The following APOH variants were observed in gnomAD, a reference collection of about 807,000 sequenced individuals.
APOH encodes the protein beta-2-glycoprotein 1.
Under a neutral mutation model 39.8 loss-of-function variants are expected in APOH, and 48 were observed. The observed-to-expected ratio is 1.21, with a 90% CI of 0.96 to 1.54. APOH has a LOEUF of 1.54. Among genes scored for constraint, APOH ranks in the 40% most tolerant of loss-of-function variants. The probability of loss-of-function intolerance (pLI) is 0.00; values close to 1 mark genes in which losing one functional copy is unlikely to be tolerated. For synonymous variants in APOH, 153 were observed against 151.1 expected (o/e 1.01, Z -0.09); for missense variants, 415 against 421.2 (o/e 0.99, Z 0.13).
intron 5 of APOH, 44 bp downstream of exon 5, chr17:66,220,510 G>C (rs368669543): frequency 1.3e-6 from 2 of 1,573,432 alleles, no homozygotes; most frequent in Admixed American, 3.4e-5. Flanking sequence ...TCACAAATGG[G>C]ATCTTGCCCT....
At position 66,224,491 on chromosome 17, in the gene APOH, AG is replaced by A. The variant is rs1485722858; in HGVS notation, c.339-718del. ...CCTGTAAAAAAAAAAAAAAAAAAAA[AG>A]AAAAGAAAAGAAGGAAAGGAAGGAA... On this transcript the variant is annotated intron_variant, in intron 3 of 7. Coordinates refer to ENST00000205948, the MANE Select transcript of APOH (RefSeq NM_000042.3). Among the ~76,000 whole-genome samples, 53 of 87,608 alleles carry A rather than the reference AG, an allele frequency of 6.0e-4. 1 individual carries two copies. The highest frequency in any genetic ancestry group is 1.3e-3 in the African/African-American group (39 of 28,978). The allele number at this position is 87,608 out of a possible 152,430, so 57.5% of individuals were successfully genotyped here. A position where few individuals can be genotyped will look rare whatever the true frequency, so the allele number is the denominator to read the frequency against.
At chr17:66,229,266 C>G in intron 1 of APOH, 50 bp downstream of exon 1, 1 of 1,453,092 alleles carries the variant, frequency 6.9e-7, no homozygotes, top group Non-Finnish European at 9.6e-7. Flanking sequence ...CTGACATATA[C>G]GAAGGGGTTG....
At chr17:66,216,205 C>A (rs1344281842) in intron 6 of APOH, among the ~76,000 whole-genome samples, 2 of 146,788 alleles carry the variant, frequency 1.4e-5, no homozygotes, top group African/African-American at 5.0e-5. Flanking sequence ...TACAATAATA[C>A]TAAAAAATGA....
chr17:66,224,495 A>AAAAAAAAT (rs2073423039), intron 3 of APOH, among the ~76,000 whole-genome samples: 1 of 143,480 alleles, frequency 7.0e-6, no homozygotes, highest in Non-Finnish European at 1.5e-5. Context: ...AAAAAAAGAA[A>AAAAAAAAT]AGAAAAGAAG....
chr17:66,225,388 C>A (rs2073433397), intron 3 of APOH, among the ~76,000 whole-genome samples: 1 of 152,176 alleles, frequency 6.6e-6, no homozygotes, highest in African/African-American at 2.4e-5. Flanking sequence ...GCATTGCATT[C>A]TCCACTGTCA....
rs758021466 is a variant in APOH at position 66,220,610 on chromosome 17, T to C, written c.548A>G (p.Asn183Ser). Reference sequence around the variant, plus strand: ...ATGTGTCGTGCAGGTAATTGTATCATTTCCAAACATCGCATGTTGTGGCAA... The same window carrying C: ...ATGTGTCGTGCAGGTAATTGTATCACTTCCAAACATCGCATGTTGTGGCAA... ...ECLPQHAMFGNDTITCTTHGN... is the reference protein window; with the variant it reads ...ECLPQHAMFGSDTITCTTHGN... The change falls in exon 5 of 8, where the codon AAT becomes AGT. Residue 183 changes from asparagine (N) to serine (S), a missense_variant. By Grantham distance (46) the Asn-to-Ser change is conservative. Coordinates refer to ENST00000205948, the MANE Select transcript of APOH (RefSeq NM_000042.3). 1.2e-5 allele frequency: 19 copies of C among 1,614,074 alleles called. No individual in the cohort carries two copies. In the East Asian group the frequency reaches 4.2e-4, roughly 36 times the overall value.
Position 66,220,592 on chromosome 17 carries a change from G to A in APOH, c.566C>T (p.Thr189Met), listed in dbSNP as rs376671771. Residue 189 changes from threonine (T) to methionine (M), a missense_variant, in exon 5 of 8, where the codon ACG becomes ATG. Thr to Met is a moderately conservative substitution (Grantham distance 81). Transcript: ENST00000205948. The stretch of plus-strand genomic sequence containing the variant: ...TAATTTAGTCCAATTTCCATGTGTC[G>A]TGCAGGTAATTGTATCATTTCCAAA... ...AMFGNDTITC[T>M]THGNWTKLPE... The A allele has an allele frequency of 1.2e-5, 19 of 1,614,016 alleles. No individual in the cohort carries two copies. The highest frequency in any genetic ancestry group is 5.0e-5 in the Admixed American group (3 of 60,002).
rs892011939 is a variant in APOH at position 66,214,579 on chromosome 17, A to G, written c.856T>C (p.Phe286Leu). ...QGERVKIQEK[F>L]KNGMLHGDKV... ...TCACCATGTAGCATTCCATTCTTAA[A>G]TTTTTCCTGAATCTTTACTCTCTCT... The change falls in exon 7 of 8, where the codon TTT becomes CTT. Residue 286 changes from phenylalanine to leucine, a missense_variant. Around this residue, in one of 3 missense-constraint regions of APOH, gnomAD observed 120 missense variants for 110.6 expected, o/e 1.08. Coordinates refer to ENST00000205948, the MANE Select transcript of APOH (RefSeq NM_000042.3). The G allele has an allele frequency of 4.3e-6, 7 of 1,613,784 alleles. No individual in the cohort carries two copies. Among genetic ancestry groups the G allele is most frequent in the South Asian group, 2.2e-5 (2 of 91,076 alleles).
chr17:66,214,794 T>C lies in APOH; in HGVS notation c.785-144A>G, dbSNP rs1026555335. On this transcript the variant is annotated intron_variant, in intron 6 of 7. Transcript: ENST00000205948. ...ATCCAAGAATATATATAGTAAGTAATGGTAATATGATTGCTAATTGCAGTT... is the reference window on the plus strand; with the variant it reads ...ATCCAAGAATATATATAGTAAGTAACGGTAATATGATTGCTAATTGCAGTT... The C allele has an allele frequency of 9.7e-5, 65 of 670,476 alleles. No homozygotes were observed. The South Asian group carries it at 1.1e-3, about 11-fold the overall frequency. The allele number at this position is 670,476 out of a possible 1,614,324, so 41.5% of individuals were successfully genotyped here.
At position 66,222,567 on chromosome 17, in the gene APOH, C is replaced by CTTTTTTT. The variant is rs1178795590; in HGVS notation, c.415+1124_415+1130dup. On this transcript the variant is annotated intron_variant, in intron 4 of 7. Coordinates refer to ENST00000205948, the MANE Select transcript of APOH (RefSeq NM_000042.3). ...TTGAAATTGCTTTACTTTCCACTTG[C>CTTTTTTT]TTTTTTTTTTTTTTTTTTTTTGAGA... is the stretch of plus-strand genomic sequence containing the variant. Among the ~76,000 whole-genome samples, 68 of 84,874 alleles carry CTTTTTTT rather than the reference C, an allele frequency of 8.0e-4. 3 individuals carry two copies. Among genetic ancestry groups the CTTTTTTT allele is most frequent in the African/African-American group, 1.0e-3 (20 of 20,054 alleles). The allele number at this position is 84,874 out of a possible 152,430, so 55.7% of individuals were successfully genotyped here. A position where few individuals can be genotyped will look rare whatever the true frequency, so the allele number is the denominator to read the frequency against.
intron 3 of APOH, 64 bp from the exon 4 acceptor site, chr17:66,223,838 T>G: frequency 3.6e-5 from 50 of 1,374,764 alleles, no homozygotes; most frequent in Middle Eastern, 1.8e-4. Context: ...CTCAAATATC[T>G]TCTCCATTGA....
rs775916134 is a variant in APOH at position 66,214,485 on chromosome 17, T to C, written c.950A>G (p.Asp317Gly). 3.0e-5 allele frequency: 48 copies of C among 1,614,174 alleles called. No individual in the cohort carries two copies. The highest frequency in any genetic ancestry group is 3.9e-5 in the Non-Finnish European group (46 of 1,180,008). The change falls in exon 7 of 8, where the codon GAT becomes GGT. Residue 317 changes from aspartate (D) to glycine (G), a missense_variant. Asp to Gly is a moderately conservative substitution (Grantham distance 94, BLOSUM62 -1). Transcript: ENST00000205948. The stretch of plus-strand genomic sequence containing the variant: ...GCATTTGGGGACTTCGATAGTGCCA[T>C]CTATACACTGAGCATCCTCTGTATA... Reference protein sequence around the residue: ...CSYTEDAQCIDGTIEVPKCFK... With the variant: ...CSYTEDAQCIGGTIEVPKCFK...
intron 6 of APOH, among the ~76,000 whole-genome samples, 192 bp from the exon 7 acceptor site, chr17:66,214,842 C>T (rs1252017262): frequency 6.6e-6 from 1 of 150,728 alleles, no homozygotes; most frequent in African/African-American, 2.4e-5. Context: ...AACCATTATT[C>T]ATAGCTTCCA....
intron 4 of APOH, 117 bp downstream of exon 4, chr17:66,223,581 A>G: frequency 1.2e-6 from 1 of 862,034 alleles, no homozygotes; most frequent in Non-Finnish European, 1.9e-6. Flanking sequence ...ATCCCCCACA[A>G]GGGTGACCAT....
intron 4 of APOH, among the ~76,000 whole-genome samples, 172 bp from the exon 5 acceptor site, chr17:66,220,914 C>T (rs959919667): frequency 3.2e-4 from 48 of 151,966 alleles, no homozygotes; most frequent in African/African-American, 1.1e-3. Flanking sequence ...TATGACCTGC[C>T]GGGCACGGTG....
Position 66,228,088 on chromosome 17 carries a change from C to G in APOH, c.173G>C (p.Arg58Pro), listed in dbSNP as rs768884547. The change falls in exon 2 of 8, where the codon CGA (arginine) becomes CCA (proline). Residue 58 changes from arginine to proline, a missense_variant. Arg to Pro is a moderately radical substitution (Grantham distance 103, BLOSUM62 -2). Around this residue, in one of 3 missense-constraint regions of APOH, gnomAD observed 288 missense variants for 284.9 expected, o/e 1.01. Coordinates refer to ENST00000205948, the MANE Select transcript of APOH (RefSeq NM_000042.3). ...TYSCKPGYVS[R>P]GGMRKFICPL... ...GCAGATAAACTTTCTCATCCCTCCTCGGGACACATAGCCCGGCTTGCAGGA... is the reference window on the plus strand; with the variant it reads ...GCAGATAAACTTTCTCATCCCTCCTGGGGACACATAGCCCGGCTTGCAGGA... 1 of 1,614,208 alleles carries G rather than the reference C, an allele frequency of 6.2e-7. No individual in the cohort carries two copies. The highest frequency in any genetic ancestry group is 8.5e-7 in the Non-Finnish European group (1 of 1,180,046).
intron 7 of APOH, among the ~76,000 whole-genome samples, chr17:66,213,366 T>G (rs142529775): frequency 6.6e-6 from 1 of 152,264 alleles, no homozygotes; most frequent in African/African-American, 2.4e-5. Context: ...CTTAAAATAT[T>G]TTGCTCTAAT....
At chr17:66,215,120 C>T (rs187073773) in intron 6 of APOH, among the ~76,000 whole-genome samples, 1 of 152,266 alleles carries the variant, frequency 6.6e-6, no homozygotes, top group African/African-American at 2.4e-5. Flanking sequence ...ATGCAAACCA[C>T]CCCCAGGGTC....
chr17:66,224,470 T>TAAAAAA (rs760150264), intron 3 of APOH, among the ~76,000 whole-genome samples: 48 of 42,932 alleles, frequency 1.1e-3, no homozygotes, highest in South Asian at 4.0e-3. Flanking sequence ...GAAGATCCTG[T>TAAAAAA]AAAAAAAAAA....
Sources: allele counts gnomAD v4.1 joint callset (sites outside exome capture counted in the v4.1 genomes callset), GRCh38; gene constraint gnomAD v4.1.1; regional missense constraint gnomAD v4.1.1; transcripts MANE v1.5; gene names NCBI Gene and HGNC (gene_info 2026-07-23, HGNC 2026-07-21).